The following TCFL5 variants were observed in gnomAD, a reference collection of about 807,000 sequenced individuals.
The protein encoded by TCFL5 is transcription factor like 5, also known as transcription factor-like 5 protein.
TCFL5 carries 9 observed loss-of-function variants against 44.3 expected under a neutral mutation model. The ratio of observed to expected loss-of-function variants is 0.20; its 90% CI spans 0.12 to 0.35. The LOEUF is 0.35. Among genes scored for constraint, TCFL5 ranks in the 10% least tolerant of loss-of-function variants. The pLI, the probability that TCFL5 is intolerant of heterozygous loss-of-function variation, is 1.00. For missense variants in TCFL5, 603 were observed against 613.4 expected, an observed-to-expected ratio of 0.98 and a Z score of 0.18; for synonymous variants, 319 against 271.6, an observed-to-expected ratio of 1.17 and a Z score of -1.72.
At chr20:62,858,163 G>A (rs529563270) in intron 3 of TCFL5, among the ~76,000 whole-genome samples, 4 of 152,334 alleles carry the variant, frequency 2.6e-5, no homozygotes, top group East Asian at 1.9e-4. Flanking sequence ...TGCCCTCGCC[G>A]CAGAAGTGGC....
intron 5 of TCFL5, chr20:62,852,127 T>C: frequency 1.0e-6 from 1 of 985,322 alleles, no homozygotes; most frequent in South Asian, 4.7e-5. Context: ...TTGGAAGAGG[T>C]CCTTGTTTGT....
chr20:62,858,936 A>T (rs2063940817), intron 3 of TCFL5, among the ~76,000 whole-genome samples: 1 of 144,736 alleles, frequency 6.9e-6, no homozygotes, highest in African/African-American at 2.6e-5. Context: ...GAATCACCTT[A>T]CAGCCTCTCC....
intron 5 of TCFL5, chr20:62,852,119 G>T: frequency 4.1e-6 from 4 of 985,448 alleles, no homozygotes; most frequent in Non-Finnish European, 4.8e-6. Flanking sequence ...AGCCCTTCTT[G>T]GAAGAGGTCC....
rs950280299 is a variant in TCFL5, at chr20:62,861,312, C to A, written c.359G>T (p.Cys120Phe). 2.2e-5 allele frequency: 26 copies of A among 1,161,410 alleles called. No homozygotes were observed. Among genetic ancestry groups the A allele is most frequent in the Non-Finnish European group, 2.6e-5 (24 of 930,128 alleles). 71.9% of individuals were successfully genotyped at this position (1,161,410 alleles called of 1,614,324 possible). ...CPSALAADAP[C>F]LGHIDFQELR... ...CTCCTGGAAGTCGATGTGGCCCAGGCAGGGCGCGTCGGCCGCCAGCGCGGA... is the reference window on the plus strand; with the variant it reads ...CTCCTGGAAGTCGATGTGGCCCAGGAAGGGCGCGTCGGCCGCCAGCGCGGA... The change falls in exon 1 of 6, where the codon TGC (cysteine) becomes TTC (phenylalanine). Residue 120 changes from cysteine (C) to phenylalanine (F), a missense_variant. This residue lies in a region of TCFL5 where 540 missense variants were observed against 478.7 expected (regional missense o/e 1.13). Transcript: ENST00000335351. This position sits in a 1 kb window ranked among gnomAD's most constrained non-coding sequence, Gnocchi z 4.0.
In TCFL5 at chr20:62,842,184, G is replaced by C; in HGVS notation, c.1381-87C>G. On this transcript the variant is annotated intron_variant, in intron 5 of 5. Transcript: ENST00000335351. The surrounding 1 kb of genome is among the most constrained non-coding windows in gnomAD (Gnocchi z 4.3). The stretch of plus-strand genomic sequence containing the variant: ...AAAGTGCAAAAGGTTCAAATTAAGA[G>C]CTAAGTAAATGACTTTAGAATACGC... The C allele has an allele frequency of 1.9e-6, 3 of 1,547,626 alleles. No individual in the cohort carries two copies. The South Asian group carries it at 3.6e-5, about 19-fold the overall frequency.
At chr20:62,852,106 G>T in intron 5 of TCFL5, 1 of 985,418 alleles carries the variant, frequency 1.0e-6, no homozygotes, top group Non-Finnish European at 1.2e-6. Context: ...CGCCAGGCCT[G>T]GGAGCCCTTC....
rs1194468796 is a variant in TCFL5 at position 62,841,482 on chromosome 20, C to T, written c.*493G>A. The T allele has an allele frequency of 1.3e-5, 2 of 154,492 alleles. No individual in the cohort carries two copies. The highest frequency in any genetic ancestry group is 6.4e-5 in the Admixed American group (1 of 15,744). The allele number at this position is 154,492 out of a possible 1,614,324, so 9.6% of individuals were successfully genotyped here. On this transcript the variant is annotated 3_prime_UTR_variant, in exon 6 of 6. Transcript: ENST00000335351. ...TCCTGCACGTTGCAATACAGCAGCA[C>T]GTGACTCAGAGTCATGACAAGGGGG...
intron 4 of TCFL5, among the ~76,000 whole-genome samples, chr20:62,855,798 T>A (rs68066790): frequency 0.13 from 19,535 of 152,040 alleles, 1,663 homozygotes; most frequent in African/African-American, 0.24. Context: ...ATAAATAAAT[T>A]GCCTTAGCTC....
At chr20:62,855,095 G>A (rs953045609) in intron 4 of TCFL5, among the ~76,000 whole-genome samples, 1 of 152,204 alleles carries the variant, frequency 6.6e-6, no homozygotes, top group African/African-American at 2.4e-5. Flanking sequence ...ATTCACAGTA[G>A]GGTGAGGAAG....
At position 62,859,366 on chromosome 20, in the gene TCFL5, C is replaced by T. The variant is rs2063948857; in HGVS notation, c.992G>A (p.Gly331Glu). The change falls in exon 3 of 6, where the codon GGA becomes GAA. Residue 331 changes from glycine to glutamate, a missense_variant and splice_region_variant. Physicochemically the swap from Gly to Glu is moderately conservative, Grantham distance 98 (BLOSUM62 -2). Transcript: ENST00000335351. ...CTACCTGCTGCTTCATCGCTTACCT[C>T]CCACTTTAATCCAAACTTGCTCAGG... is the stretch of plus-strand genomic sequence containing the variant. ...VLPEQVWIKV[G>E]EAALCKQALK... 2 of 1,602,910 alleles carry T rather than the reference C, an allele frequency of 1.2e-6. No individual in the cohort carries two copies. The highest frequency in any genetic ancestry group is 2.7e-5 in the African/African-American group (2 of 74,684).
At position 62,861,656 on chromosome 20, in the gene TCFL5, T is replaced by C. The variant is rs2064013888; in HGVS notation, c.15A>G (p.Gly5=). The change falls in exon 1 of 6, where the codon GGA becomes GGG. Residue 5 remains glycine, a synonymous_variant. Coordinates refer to ENST00000335351, the MANE Select transcript of TCFL5 (RefSeq NM_006602.4). The surrounding 1 kb of genome is among the most constrained non-coding windows in gnomAD (Gnocchi z 4.0). MSGP[G]PREPPPEAGA... ...CTGCCTCCGGCGGCGGCTCCCGCGG[T>C]CCGGGGCCCGACATGGCGGCGCGGC... is the stretch of plus-strand genomic sequence containing the variant. The C allele has an allele frequency of 1.1e-6, 1 of 882,772 alleles. No individual in the cohort carries two copies. The highest frequency in any genetic ancestry group is 1.3e-6 in the Non-Finnish European group (1 of 740,888). The allele number at this position is 882,772 out of a possible 1,614,324, so 54.7% of individuals were successfully genotyped here.
intron 4 of TCFL5, among the ~76,000 whole-genome samples, chr20:62,857,152 T>C (rs2063906049): frequency 1.3e-5 from 2 of 152,280 alleles, no homozygotes; most frequent in African/African-American, 4.8e-5. Flanking sequence ...CTGGCATCCT[T>C]TCTCCATAGT....
At chr20:62,857,659 G>C (rs142344205) in intron 3 of TCFL5, 21 bp from the exon 4 acceptor site, 1 of 1,605,228 alleles carries the variant, frequency 6.2e-7, no homozygotes, top group East Asian at 2.2e-5. Flanking sequence ...GAAGAAAAAA[G>C]TGGTTTTTAA....
intron 2 of TCFL5, among the ~76,000 whole-genome samples, chr20:62,859,866 G>C (rs919667768): frequency 6.6e-6 from 1 of 151,934 alleles, no homozygotes; most frequent in Non-Finnish European, 1.5e-5. Context: ...GATTACAGGT[G>C]TCCGCCACTA....
At chr20:62,852,326 G>C (rs1044058370) in intron 5 of TCFL5, 36 of 984,888 alleles carry the variant, frequency 3.7e-5, no homozygotes, top group Non-Finnish European at 4.0e-5. Context: ...CCTGGAACTC[G>C]GGTCCCCCAA....
intron 1 of TCFL5, 111 bp downstream of exon 1, chr20:62,860,913 G>A (rs1232293950): frequency 8.3e-5 from 73 of 874,740 alleles, no homozygotes; most frequent in Non-Finnish European, 9.3e-5. Flanking sequence ...GCCGCCGGGA[G>A]GGCAGGCTGG....
At chr20:62,859,727 G>T (rs200587651) in intron 2 of TCFL5, among the ~76,000 whole-genome samples, 40 of 136,558 alleles carry the variant, frequency 2.9e-4, no homozygotes, top group Admixed American at 3.6e-4. Context: ...TTGTTTTTTT[G>T]TTTTTTTTTT....
intron 5 of TCFL5, chr20:62,852,191 C>G: frequency 1.0e-6 from 1 of 985,448 alleles, no homozygotes; most frequent in Non-Finnish European, 1.2e-6. Flanking sequence ...TCAACAGCAG[C>G]AATTCCCCAA....
intron 5 of TCFL5, among the ~76,000 whole-genome samples, chr20:62,850,967 CCT>C (rs1265769101): frequency 6.6e-6 from 1 of 152,206 alleles, no homozygotes; most frequent in Non-Finnish European, 1.5e-5. Flanking sequence ...TTACTCGTCC[CCT>C]GCCTCCCTCC....
Sources: allele counts gnomAD v4.1 joint callset (sites outside exome capture counted in the v4.1 genomes callset), GRCh38; gene constraint gnomAD v4.1.1; regional missense constraint gnomAD v4.1.1; non-coding constraint Gnocchi (gnomAD v3.1); transcripts MANE v1.5; gene names NCBI Gene and HGNC (gene_info 2026-07-23, HGNC 2026-07-21).